The following LRRC8D variants were observed in gnomAD, a reference collection of about 807,000 sequenced individuals.
LRRC8D encodes the protein volume-regulated anion channel subunit LRRC8D.
In LRRC8D, 20 loss-of-function variants were observed where a neutral mutation model predicts 55.8. The observed-to-expected ratio is 0.36, with a 90% confidence interval of 0.25 to 0.52. LRRC8D has a LOEUF of 0.52. LRRC8D is among the 20% of genes least tolerant of loss of function. LRRC8D has a pLI of 0.93. For missense variants in LRRC8D, 651 were observed against 1,030.8 expected (o/e 0.63, Z 5.05); for synonymous variants, 352 against 377.0 (o/e 0.93, Z 0.77).
intron 2 of LRRC8D, among the ~76,000 whole-genome samples, chr1:89,846,983 G>A (rs1029053287): frequency 4.6e-5 from 7 of 152,098 alleles, no homozygotes; most frequent in East Asian, 1.9e-4. Context: ...GCCACTGTGC[G>A]CATCCCCTAC....
chr1:89,930,848 A>G (rs1663687681), intron 2 of LRRC8D, among the ~76,000 whole-genome samples: 1 of 151,852 alleles, frequency 6.6e-6, no homozygotes, highest in Non-Finnish European at 1.5e-5. Context: ...CTGTGATTCC[A>G]GTAGCTTTTC....
At chr1:89,922,940 A>G (rs1221785997) in intron 2 of LRRC8D, among the ~76,000 whole-genome samples, 2 of 152,244 alleles carry the variant, frequency 1.3e-5, no homozygotes, top group East Asian at 1.9e-4. Flanking sequence ...GTGTAATCAC[A>G]GAATTGTCCA....
chr1:89,879,605 TTC>T (rs1662231295), intron 2 of LRRC8D, among the ~76,000 whole-genome samples: 4 of 152,384 alleles, frequency 2.6e-5, no homozygotes, highest in Admixed American at 2.6e-4. Flanking sequence ...AAGAAACAAT[TTC>T]TTTTTTCTTA....
intron 2 of LRRC8D, among the ~76,000 whole-genome samples, chr1:89,855,290 G>T (rs948059445): frequency 6.6e-6 from 1 of 152,120 alleles, no homozygotes; most frequent in African/African-American, 2.4e-5. Context: ...TCTTCCTCTG[G>T]AAGGTGTACT....
chr1:89,923,354 G>C (rs1409561947), intron 2 of LRRC8D, among the ~76,000 whole-genome samples: 1 of 152,202 alleles, frequency 6.6e-6, no homozygotes, highest in African/African-American at 2.4e-5. Flanking sequence ...AAAATCCCTT[G>C]ATAACCATTT....
chr1:89,833,405 G>T (rs1374621261), intron 1 of LRRC8D, among the ~76,000 whole-genome samples: 2 of 152,190 alleles, frequency 1.3e-5, no homozygotes, highest in Non-Finnish European at 2.9e-5. Flanking sequence ...CACCAGACTT[G>T]TTTTTAACAG....
At chr1:89,872,764 G>T (rs1290644750) in intron 2 of LRRC8D, among the ~76,000 whole-genome samples, 2 of 152,070 alleles carry the variant, frequency 1.3e-5, no homozygotes, top group Non-Finnish European at 2.9e-5. Context: ...TTAGATGAAG[G>T]TGCATCACTA....
chr1:89,853,648 C>T (rs1472630584), intron 2 of LRRC8D, among the ~76,000 whole-genome samples: 2 of 152,132 alleles, frequency 1.3e-5, no homozygotes, highest in Non-Finnish European at 2.9e-5. Flanking sequence ...CAACTTGCCA[C>T]GCTGCCCAGA....
intron 2 of LRRC8D, among the ~76,000 whole-genome samples, chr1:89,924,828 A>G (rs1314156292): frequency 9.2e-5 from 14 of 152,190 alleles, no homozygotes; most frequent in Admixed American, 9.2e-4. Context: ...AAAACCAAAT[A>G]CCACATGTTC....
chr1:89,925,586 G>T (rs1208705367), intron 2 of LRRC8D, among the ~76,000 whole-genome samples: 2 of 152,066 alleles, frequency 1.3e-5, no homozygotes, highest in African/African-American at 4.8e-5. Flanking sequence ...TGTACACCCT[G>T]AACCTAAAAT....
chr1:89,835,795 T>A (rs1660992524), intron 1 of LRRC8D, among the ~76,000 whole-genome samples: 1 of 152,236 alleles, frequency 6.6e-6, no homozygotes, highest in East Asian at 1.9e-4. Context: ...AACACTCACG[T>A]GTTAGCTGCT....
rs1285807697 is a variant in LRRC8D at position 89,860,556 on chromosome 1, G to C, written c.-3+16774G>C. On this transcript the variant is annotated intron_variant, in intron 2 of 2. Coordinates refer to ENST00000337338, the MANE Select transcript of LRRC8D (RefSeq NM_001134479.2). ...GGGCAGATCATGAGGTCAAGAGATC[G>C]AGACCATCCTGGCCAACATGGTGAA... Among the ~76,000 whole-genome samples, 2 of 151,082 alleles carry C rather than the reference G, an allele frequency of 1.3e-5. 1 individual carries two copies. Among genetic ancestry groups the C allele is most frequent in the South Asian group, 4.2e-4 (2 of 4,800 alleles).
chr1:89,926,157 C>T (rs1303695949), intron 2 of LRRC8D, among the ~76,000 whole-genome samples: 6 of 152,268 alleles, frequency 3.9e-5, no homozygotes, highest in Non-Finnish European at 8.8e-5. Context: ...CCAGTTACTA[C>T]ATGCAGACTT....
chr1:89,934,319 G>T lies in LRRC8D; in HGVS notation c.1251G>T (p.Ala417=), dbSNP rs980229743. 1.2e-6 allele frequency: 2 copies of T among 1,613,694 alleles called. No individual in the cohort carries two copies. The highest frequency in any genetic ancestry group is 1.7e-5 in the Admixed American group (1 of 60,000). Residue 417 remains alanine (A), a synonymous_variant, in exon 3 of 3, where the codon GCG becomes GCT. Coordinates refer to ENST00000337338, the MANE Select transcript of LRRC8D (RefSeq NM_001134479.2). The surrounding 1 kb of genome is among the most constrained non-coding windows in gnomAD (Gnocchi z 5.9). The stretch of plus-strand genomic sequence containing the variant: ...TTCCAGATGTCAAAAACGATTTTGC[G>T]TTCCTTCTTCACATGGTAGACCAGT... ...SDIPDVKNDF[A]FLLHMVDQYD...
At chr1:89,824,053 G>A (rs963784400) in intron 1 of LRRC8D, among the ~76,000 whole-genome samples, 2 of 152,078 alleles carry the variant, frequency 1.3e-5, no homozygotes, top group South Asian at 2.1e-4. Context: ...GAGGAATGTC[G>A]GAGACATTTA....
At chr1:89,855,143 G>A (rs1333257623) in intron 2 of LRRC8D, among the ~76,000 whole-genome samples, 3 of 151,954 alleles carry the variant, frequency 2.0e-5, no homozygotes, top group South Asian at 2.1e-4. Flanking sequence ...GAAGAGAATC[G>A]AACAGTTGGA....
intron 2 of LRRC8D, among the ~76,000 whole-genome samples, chr1:89,884,995 T>C (rs916626349): frequency 6.6e-6 from 1 of 152,142 alleles, no homozygotes; most frequent in Non-Finnish European, 1.5e-5. Context: ...TCCCAGACAA[T>C]TGCTAGTATC....
chr1:89,870,246 G>C (rs1245721780), intron 2 of LRRC8D, among the ~76,000 whole-genome samples: 1 of 152,150 alleles, frequency 6.6e-6, no homozygotes, highest in Non-Finnish European at 1.5e-5. Flanking sequence ...GGAGGCTGAG[G>C]CGGGTGGATC....
chr1:89,892,757 T>A (rs1282183959), intron 2 of LRRC8D, among the ~76,000 whole-genome samples: 1 of 152,192 alleles, frequency 6.6e-6, no homozygotes, highest in East Asian at 1.9e-4. Context: ...TCTGACCTCA[T>A]GATCCACCCA....
Sources: gnomAD v4.1 joint callset for allele counts (sites outside exome capture counted in the v4.1 genomes callset) on GRCh38, gnomAD v4.1.1 for gene constraint, Gnocchi (gnomAD v3.1) non-coding constraint, MANE v1.5 for transcripts, NCBI Gene and HGNC (gene_info 2026-07-23, HGNC 2026-07-21) for gene names.